Variants in CYP4F8 observed in about 807,000 individuals in gnomAD.
CYP4F8 encodes the protein cytochrome P450 family 4 subfamily F member 8.
In CYP4F8, 56 loss-of-function variants were observed where a neutral mutation model predicts 55.0. The ratio of observed to expected loss-of-function variants is 1.02; its 90% confidence interval spans 0.82 to 1.27. The LOEUF (loss-of-function observed/expected upper bound fraction) is 1.27. CYP4F8 is among the 50% of genes most tolerant of loss of function. The pLI, the probability that CYP4F8 is intolerant of heterozygous loss-of-function variation, is 0.00. For synonymous variants in CYP4F8, 288 were observed against 267.3 expected (o/e 1.08, Z -0.76); for missense variants, 680 against 682.4 (o/e 1.00, Z 0.04).
intron 12 of CYP4F8, 48 bp from the exon 13 acceptor site, chr19:15,629,145 C>T (rs958784399): frequency 2.0e-6 from 3 of 1,528,424 alleles, no homozygotes; most frequent in Admixed American, 2.0e-5. Context: ...GCAGTGGGGC[C>T]GGGATCTGGG....
chr19:15,622,012 G>T, intron 5 of CYP4F8: 1 of 578,088 alleles, frequency 1.7e-6, no homozygotes, highest in East Asian at 3.5e-5. Context: ...AGGAATCACA[G>T]CTGGGGCTTG....
rs1972165497 is a variant in CYP4F8, at chr19:15,619,508, A to G, written c.362A>G (p.Asp121Gly). The G allele has an allele frequency of 1.9e-6, 3 of 1,614,074 alleles. No homozygotes were observed. In the African/African-American group the frequency reaches 4.0e-5, roughly 22 times the overall value. ...INTSDAITDK[D>G]IVFYKTLKPW... ...ATGTCAGATGCCATTACAGACAAGGACATAGTCTTCTACAAGACCCTGAAG... is the reference window on the plus strand; with the variant it reads ...ATGTCAGATGCCATTACAGACAAGGGCATAGTCTTCTACAAGACCCTGAAG... Residue 121 changes from aspartate to glycine, a missense_variant, in exon 4 of 13, where the codon GAC becomes GGC. By Grantham distance (94) the Asp-to-Gly change is moderately conservative. Coordinates refer to ENST00000612078, the MANE Select transcript of CYP4F8 (RefSeq NM_007253.4).
intron 5 of CYP4F8, 109 bp downstream of exon 5, chr19:15,619,871 T>C: frequency 7.3e-7 from 1 of 1,370,050 alleles, no homozygotes. Flanking sequence ...CCATTGCTCT[T>C]CCTCTCTGTG....
At chr19:15,628,709 G>A in intron 11 of CYP4F8, 52 bp from the exon 12 acceptor site, 1 of 1,609,998 alleles carries the variant, frequency 6.2e-7, no homozygotes. Flanking sequence ...TGTGGGGGTG[G>A]CTGGGTGTCC....
At chr19:15,622,603 G>C (rs554989127) in intron 6 of CYP4F8, among the ~76,000 whole-genome samples, 1 of 149,778 alleles carries the variant, frequency 6.7e-6, no homozygotes, top group East Asian at 1.9e-4. Flanking sequence ...ACTTGGAAAT[G>C]AAGGTGGAGG....
chr19:15,624,753 C>A (rs115534930), intron 9 of CYP4F8, among the ~76,000 whole-genome samples: 2,042 of 152,242 alleles, frequency 0.013, 36 homozygotes, highest in African/African-American at 0.041. Flanking sequence ...CTGATAGATG[C>A]AATATAATAT....
intron 3 of CYP4F8, 82 bp from the exon 4 acceptor site, chr19:15,619,408 C>A (rs1972164147): frequency 4.5e-6 from 7 of 1,549,594 alleles, no homozygotes; most frequent in Non-Finnish European, 6.2e-6. Flanking sequence ...ACGTCCAAAC[C>A]TCTGGCTGGG....
At position 15,619,560 on chromosome 19, in the gene CYP4F8, G is replaced by T; in HGVS notation, c.397+17G>T. 1 of 1,614,192 alleles carries T rather than the reference G, an allele frequency of 6.2e-7. No individual in the cohort carries two copies. Among genetic ancestry groups the T allele is most frequent in the South Asian group, 1.1e-5 (1 of 91,086 alleles). On this transcript the variant is annotated intron_variant, in intron 4 of 12. Transcript: ENST00000612078. ...CCTGGCTGGGTAAGTAACTGTAGGT[G>T]GACGGGACGGGGACCAACTTTTGTG...
In CYP4F8 at chr19:15,619,475, C is replaced by T. The variant is rs1406862382; in HGVS notation, c.344-15C>T. 1 of 1,614,042 alleles carries T rather than the reference C, an allele frequency of 6.2e-7. No individual in the cohort carries two copies. Among genetic ancestry groups the T allele is most frequent in the Non-Finnish European group, 8.5e-7 (1 of 1,179,944 alleles). On this transcript the variant is annotated splice_polypyrimidine_tract_variant and intron_variant, in intron 3 of 12. Transcript: ENST00000612078. ...ATTCCTCTCCATGGACCCTGATGGT[C>T]CTCATTCATGTCAGATGCCATTACA...
intron 3 of CYP4F8, chr19:15,618,415 A>C: frequency 1.8e-6 from 1 of 559,420 alleles, no homozygotes. Context: ...AGGAATCCCC[A>C]AACTTGAAGA....
chr19:15,629,075 C>G, intron 12 of CYP4F8, 118 bp from the exon 13 acceptor site: 1 of 1,395,826 alleles, frequency 7.2e-7, no homozygotes, highest in Non-Finnish European at 9.5e-7. Context: ...GACCCAGCTT[C>G]CCCCCTGTCT....
In CYP4F8 at chr19:15,628,557, G is replaced by T. The variant is rs769785131; in HGVS notation, c.1276G>T (p.Ala426Ser). Residue 426 changes from alanine to serine, a missense_variant, in exon 11 of 13, where the codon GCA (alanine) becomes TCA (serine). Transcript: ENST00000612078. ...GAATGTCTGTAACATCAACATCTTC[G>T]CAATCCATCACAACCCCTCAGTCTG... ...KGNVCNINIF[A>S]IHHNPSVWPD... 16 of 1,613,708 alleles carry T rather than the reference G, an allele frequency of 9.9e-6. No homozygotes were observed. The highest frequency in any genetic ancestry group is 9.3e-6 in the Non-Finnish European group (11 of 1,179,846).
rs774891678 is a variant in CYP4F8, at chr19:15,618,073, G to C, written c.272G>C (p.Trp91Ser). ...ACCTACCCCCAGGGCTTTGTGAGGT[G>C]GTTGGGCCCCATCACTCCCATCATC... ...VATYPQGFVR[W>S]LGPITPIINL... Residue 91 changes from tryptophan (W) to serine (S), a missense_variant, in exon 3 of 13, where the codon TGG (tryptophan) becomes TCG (serine). Physicochemically the swap from Trp to Ser is radical, Grantham distance 177. Coordinates refer to ENST00000612078, the MANE Select transcript of CYP4F8 (RefSeq NM_007253.4). 5.0e-6 allele frequency: 8 copies of C among 1,614,076 alleles called. No homozygotes were observed. The highest frequency in any genetic ancestry group is 6.8e-6 in the Non-Finnish European group (8 of 1,179,980).
intron 6 of CYP4F8, 128 bp from the exon 7 acceptor site, chr19:15,622,975 CAG>C: frequency 4.5e-6 from 5 of 1,123,284 alleles, no homozygotes; most frequent in Non-Finnish European, 5.0e-6. Context: ...GAGTGGGAGG[CAG>C]AGAGTGAAGT....
intron 9 of CYP4F8, 125 bp from the exon 10 acceptor site, chr19:15,628,177 T>A: frequency 7.0e-7 from 1 of 1,434,310 alleles, no homozygotes; most frequent in South Asian, 1.3e-5. Context: ...AATGCTTACA[T>A]CTTTGTTGCT....
At position 15,623,744 on chromosome 19, in the gene CYP4F8, G is replaced by A; in HGVS notation, c.964G>A (p.Ala322Thr). The change falls in exon 8 of 13, where the codon GCT (alanine) becomes ACT (threonine). Residue 322 changes from alanine (A) to threonine (T), a missense_variant. By Grantham distance (58) the Ala-to-Thr change is moderately conservative (BLOSUM62 0). Coordinates refer to ENST00000612078, the MANE Select transcript of CYP4F8 (RefSeq NM_007253.4). ...GTCAGATGAGGACATAAGAGCAGAA[G>A]CTGACACTTTCATGTTTGGAGGTGA... Reference protein sequence around the residue: ...ELSDEDIRAEADTFMFGGHDT... With the variant: ...ELSDEDIRAETDTFMFGGHDT... 1 of 1,613,998 alleles carries A rather than the reference G, an allele frequency of 6.2e-7. No homozygotes were observed. Among genetic ancestry groups the A allele is most frequent in the Non-Finnish European group, 8.5e-7 (1 of 1,180,030 alleles).
chr19:15,623,469 G>C (rs1568383855), intron 7 of CYP4F8, 94 bp downstream of exon 7: 1 of 1,549,720 alleles, frequency 6.5e-7, no homozygotes, highest in East Asian at 2.3e-5. Context: ...AGGGCACTAA[G>C]GAGCCATGGA....
chr19:15,615,944 T>TCTGATCACTCACTCATTCCC (rs1972110731), intron 2 of CYP4F8, 130 bp downstream of exon 2: 1 of 843,098 alleles, frequency 1.2e-6, no homozygotes, highest in South Asian at 2.7e-5. Flanking sequence ...CACTCATTCC[T>TCTGATCACTCACTCATTCCC]CTTCCCACTC....
At chr19:15,623,456 C>A (rs955275100) in intron 7 of CYP4F8, 81 bp downstream of exon 7, 1 of 1,573,702 alleles carries the variant, frequency 6.4e-7, no homozygotes, top group Admixed American at 1.8e-5. Context: ...GGACTTGATA[C>A]AGAGGGCACT....
Sources: allele counts gnomAD v4.1 joint callset (sites outside exome capture counted in the v4.1 genomes callset), GRCh38; gene constraint gnomAD v4.1.1; transcripts MANE v1.5; gene names NCBI Gene and HGNC (gene_info 2026-07-23, HGNC 2026-07-21).